TRDN: variants seen among roughly 807,000 people sequenced by gnomAD.
TRDN encodes triadin in skeletal muscle.
Under a neutral mutation model 149.7 loss-of-function variants are expected in TRDN, and 161 were observed. That is an observed-to-expected ratio of 1.08 (90% confidence interval 0.95 to 1.23). The LOEUF is 1.23. Ranked by LOEUF, TRDN falls within the 50% of genes most tolerant of loss-of-function variation. The pLI, the probability that TRDN is intolerant of heterozygous loss-of-function variation, is 0.00. For synonymous variants in TRDN, 294 were observed against 250.5 expected (o/e 1.17, Z -1.64); for missense variants, 896 against 823.5 (o/e 1.09, Z -1.08).
intron 21 of TRDN, among the ~76,000 whole-genome samples, chr6:123,345,182 T>G (rs996750153): frequency 6.6e-6 from 1 of 152,056 alleles, no homozygotes; most frequent in African/African-American, 2.4e-5. Context: ...ATGTTTTACA[T>G]TTAGGTCTAT....
At chr6:123,534,220 T>G in intron 4 of TRDN, among the ~76,000 whole-genome samples, 1 of 152,260 alleles carries the variant, frequency 6.6e-6, no homozygotes. Context: ...AACTGAAATA[T>G]TAATATTTCT....
At chr6:123,564,048 A>G (rs969394699) in intron 2 of TRDN, among the ~76,000 whole-genome samples, 1 of 152,248 alleles carries the variant, frequency 6.6e-6, no homozygotes, top group African/African-American at 2.4e-5. Context: ...CACTTCTTAA[A>G]AATGAATACT....
At position 123,218,398 on chromosome 6, in the gene TRDN, C is replaced by T; in HGVS notation, c.*203G>A. On this transcript the variant is annotated 3_prime_UTR_variant, in exon 41 of 41. Transcript: ENST00000334268. Reference sequence around the variant, plus strand: ...CTCCCACCGCAGCAAACACACATAACAGATTCTTGAGACTTAGACCCTTAA... The same window carrying T: ...CTCCCACCGCAGCAAACACACATAATAGATTCTTGAGACTTAGACCCTTAA... The T allele has an allele frequency of 1.9e-6, 1 of 521,848 alleles. No homozygotes were observed. The highest frequency in any genetic ancestry group is 2.9e-5 in the South Asian group (1 of 34,262). The allele number at this position is 521,848 out of a possible 1,614,324, so 32.3% of individuals were successfully genotyped here.
At chr6:123,255,776 G>A (rs1776534284) in intron 36 of TRDN, 91 bp downstream of exon 36, 1 of 870,648 alleles carries the variant, frequency 1.1e-6, no homozygotes, top group East Asian at 3.7e-5. Context: ...ATTTAGAAAA[G>A]TTTTTTTTCA....
At chr6:123,529,416 A>G in intron 5 of TRDN, 1 of 1,426,280 alleles carries the variant, frequency 7.0e-7, no homozygotes, top group Non-Finnish European at 9.7e-7. Flanking sequence ...TTGTTGAAGA[A>G]TTGGCTGACC....
intron 10 of TRDN, among the ~76,000 whole-genome samples, chr6:123,463,233 AG>A (rs1776568460): frequency 6.6e-6 from 1 of 151,896 alleles, no homozygotes; most frequent in African/African-American, 2.4e-5. Context: ...GCTACTCGGG[AG>A]GCTGAGGCAG....
At chr6:123,566,918 A>T (rs1641282527) in intron 2 of TRDN, among the ~76,000 whole-genome samples, 1 of 152,242 alleles carries the variant, frequency 6.6e-6, no homozygotes, top group Non-Finnish European at 1.5e-5. Context: ...TACAGAAATT[A>T]TCATTGAAAG....
intron 9 of TRDN, among the ~76,000 whole-genome samples, chr6:123,483,259 T>C (rs1284885760): frequency 1.3e-5 from 2 of 151,334 alleles, no homozygotes; most frequent in Non-Finnish European, 2.9e-5. Flanking sequence ...TGTGCCACCA[T>C]GCCAGGCTAA....
chr6:123,434,178 T>A (rs759372887), intron 12 of TRDN: 6 of 152,172 alleles, frequency 3.9e-5, no homozygotes, highest in Non-Finnish European at 5.9e-5. Context: ...AACCATCTCT[T>A]ATTGTATGAA....
chr6:123,271,301 G>A (rs1015576532), intron 29 of TRDN, 115 bp from the exon 30 acceptor site: 14 of 631,310 alleles, frequency 2.2e-5, no homozygotes, highest in Non-Finnish European at 3.0e-5. Context: ...AAAACTTGTT[G>A]CCTCAATAAA....
At chr6:123,546,744 TGTGA>T (rs1781131411) in intron 4 of TRDN, among the ~76,000 whole-genome samples, 1 of 152,026 alleles carries the variant, frequency 6.6e-6, no homozygotes, top group East Asian at 1.9e-4. Flanking sequence ...TCATTCAGGT[TGTGA>T]CCACTTCACT....
At chr6:123,388,426 AAGGGGAATAT>A (rs1253564097) in intron 14 of TRDN, 86 bp downstream of exon 14, 14 of 1,364,810 alleles carry the variant, frequency 1.0e-5, no homozygotes, top group Non-Finnish European at 1.3e-5. Context: ...CCAGTTATCC[AAGGGGAATAT>A]AGACAGAATA....
intron 1 of TRDN, among the ~76,000 whole-genome samples, chr6:123,627,127 A>G (rs1009883647): frequency 5.3e-5 from 8 of 151,832 alleles, no homozygotes; most frequent in Non-Finnish European, 1.0e-4. Flanking sequence ...GCAGGGTTTC[A>G]CCACATTGGC....
intron 9 of TRDN, chr6:123,470,365 G>C (rs1777086531): frequency 6.6e-6 from 1 of 152,138 alleles, no homozygotes. Context: ...AATAACATCT[G>C]TGTTGGCTGG....
chr6:123,534,031 C>A (rs1275830654), intron 4 of TRDN, among the ~76,000 whole-genome samples: 2 of 152,054 alleles, frequency 1.3e-5, no homozygotes, highest in Non-Finnish European at 2.9e-5. Context: ...TGCACTTCAG[C>A]CTTAGAACAA....
At chr6:123,556,510 C>G (rs1010308382) in intron 2 of TRDN, among the ~76,000 whole-genome samples, 1 of 152,130 alleles carries the variant, frequency 6.6e-6, no homozygotes, top group Non-Finnish European at 1.5e-5. Context: ...ATTGATTTTA[C>G]AAAAATTCTA....
intron 2 of TRDN, among the ~76,000 whole-genome samples, chr6:123,555,714 T>G (rs1454937691): frequency 4.6e-5 from 7 of 152,196 alleles, no homozygotes; most frequent in Non-Finnish European, 1.0e-4. Flanking sequence ...GCTCATTTTT[T>G]GAGATCCTCT....
In TRDN at chr6:123,406,753, T is replaced by C. The variant is rs375899702; in HGVS notation, c.1052-13076A>G. ...AGCTAATTTCTATACAGCAAATTTA[T>C]AGAAAATCCTATATTGTTTTACTTA... On this transcript the variant is annotated intron_variant, in intron 12 of 40. Transcript: ENST00000334268. Among the ~76,000 whole-genome samples, 171 of 152,296 alleles carry C rather than the reference T, an allele frequency of 1.1e-3. 3 individuals carry two copies. The South Asian group carries it at 0.035, about 31-fold the overall frequency.
intron 19 of TRDN, among the ~76,000 whole-genome samples, chr6:123,373,499 C>T (rs182036039): frequency 2.6e-5 from 4 of 152,182 alleles, no homozygotes; most frequent in East Asian, 1.9e-4. Context: ...AGGTGATGTA[C>T]GTCCCAAGCT....
Sources: allele counts gnomAD v4.1 joint callset (sites outside exome capture counted in the v4.1 genomes callset), GRCh38; gene constraint gnomAD v4.1.1; transcripts MANE v1.5; gene names NCBI Gene and HGNC (gene_info 2026-07-23, HGNC 2026-07-21).